Variants in RESF1 observed in about 807,000 individuals in gnomAD.
The protein encoded by RESF1 is gonad expressed transcript.
RESF1 carries 65 observed loss-of-function variants against 134.7 expected under a neutral mutation model. The ratio of observed to expected loss-of-function variants is 0.48; its 90% CI spans 0.40 to 0.59. RESF1 has a LOEUF of 0.59. Ranked by LOEUF, RESF1 falls within the 20% of genes least tolerant of loss-of-function variation. The pLI, the probability that RESF1 is intolerant of heterozygous loss-of-function variation, is 0.00. For missense variants in RESF1, 2,274 were observed against 2,002.7 expected (o/e 1.14, Z -2.59); for synonymous variants, 762 against 702.2 (o/e 1.09, Z -1.35).
At chr12:31,978,988 T>G (rs2120832431) in intron 3 of RESF1, among the ~76,000 whole-genome samples, 1 of 150,614 alleles carries the variant, frequency 6.6e-6, no homozygotes, top group East Asian at 2.0e-4. Flanking sequence ...TGGCGCCATC[T>G]GGGCTCACTG....
At chr12:31,960,522 A>T (rs1193631051) in intron 1 of RESF1, among the ~76,000 whole-genome samples, 2 of 152,164 alleles carry the variant, frequency 1.3e-5, no homozygotes, top group African/African-American at 4.8e-5. Context: ...TGCAGAGATA[A>T]AGTATTATTG....
intron 3 of RESF1, among the ~76,000 whole-genome samples, chr12:31,978,647 G>C (rs1939693688): frequency 6.6e-6 from 1 of 151,230 alleles, no homozygotes; most frequent in African/African-American, 2.4e-5. Flanking sequence ...CTGGGTTCAA[G>C]TGATTCTCCT....
intron 3 of RESF1, among the ~76,000 whole-genome samples, chr12:31,978,344 T>G (rs1349062441): frequency 6.6e-6 from 1 of 152,188 alleles, no homozygotes; most frequent in African/African-American, 2.4e-5. Context: ...GTATAACATC[T>G]GATACTCAGT....
At chr12:31,989,267 G>A (rs1387894789) in intron 5 of RESF1, among the ~76,000 whole-genome samples, 1 of 151,248 alleles carries the variant, frequency 6.6e-6, no homozygotes, top group Non-Finnish European at 1.5e-5. Flanking sequence ...GTGGTGGCGG[G>A]CACCTGTAGT....
Position 31,985,835 on chromosome 12 carries a change from CAG to C in RESF1, c.4882_4883del (p.Glu1628LysfsTer8), listed in dbSNP as rs1939959997. 9 of 1,564,750 alleles carry C rather than the reference CAG, an allele frequency of 5.8e-6. No homozygotes were observed. The highest frequency in any genetic ancestry group is 7.7e-6 in the Non-Finnish European group (9 of 1,163,712). ...ACCTTTTTACCGGTGAAAGGTAACA[CAG>C]AAAAATCAAACATGCTGGAGTTTAA... On this transcript the variant is annotated frameshift_variant, in exon 4 of 6. Transcript: ENST00000312561. LOFTEE classifies it high-confidence loss of function.
intron 2 of RESF1, among the ~76,000 whole-genome samples, chr12:31,967,611 C>T (rs1208681298): frequency 2.0e-5 from 3 of 148,018 alleles, no homozygotes; most frequent in East Asian, 4.1e-4. Flanking sequence ...CAGCCCTGCA[C>T]GCCCGCCCAC....
chr12:31,987,115 G>T, intron 4 of RESF1, 124 bp from the exon 5 acceptor site: 1 of 599,914 alleles, frequency 1.7e-6, no homozygotes, highest in Non-Finnish European at 3.0e-6. Flanking sequence ...TTAGAGTTGT[G>T]TTACATGTGG....
At position 31,984,934 on chromosome 12, in the gene RESF1, G is replaced by T. The variant is rs372500491; in HGVS notation, c.3979G>T (p.Val1327Leu). The T allele has an allele frequency of 6.2e-7, 1 of 1,613,212 alleles. No homozygotes were observed. The highest frequency in any genetic ancestry group is 1.3e-5 in the African/African-American group (1 of 74,876). ...ASQETRQKKH[V>L]TQNSRPLKTK... is the part of the protein sequence containing the mutation. ...TCAGGAAACCCGACAGAAGAAACAT[G>T]TAACACAGAACTCACGTCCACTAAA... is the stretch of plus-strand genomic sequence containing the variant. The change falls in exon 4 of 6, where the codon GTA becomes TTA. Residue 1327 changes from valine (V) to leucine (L), a missense_variant. Transcript: ENST00000312561.
Position 31,985,913 on chromosome 12 carries a change from A to G in RESF1, c.4958A>G (p.Lys1653Arg). 2.6e-6 allele frequency: 4 copies of G among 1,515,024 alleles called. No homozygotes were observed. Among genetic ancestry groups the G allele is most frequent in the East Asian group, 2.3e-5 (1 of 43,086 alleles). The allele number at this position is 1,515,024 out of a possible 1,614,324, so 93.8% of individuals were successfully genotyped here. A position where few individuals can be genotyped will look rare whatever the true frequency, so the allele number is the denominator to read the frequency against. ...LKNTNSVEERKDVKPHPRKEQ... is the reference protein window; with the variant it reads ...LKNTNSVEERRDVKPHPRKEQ... Reference sequence around the variant, plus strand: ...AATACAAACTCTGTGGAAGAACGGAAGGATGTAAAGCCTCATCCTAGGAAG... The same window carrying G: ...AATACAAACTCTGTGGAAGAACGGAGGGATGTAAAGCCTCATCCTAGGAAG... Residue 1653 changes from lysine (K) to arginine (R), a missense_variant, in exon 4 of 6, where the codon AAG becomes AGG. Coordinates refer to ENST00000312561, the MANE Select transcript of RESF1 (RefSeq NM_018169.4).
At chr12:31,989,701 A>AATT (rs1940056321) in intron 5 of RESF1, among the ~76,000 whole-genome samples, 1 of 152,120 alleles carries the variant, frequency 6.6e-6, no homozygotes, top group South Asian at 2.1e-4. Flanking sequence ...AAAATATAAA[A>AATT]ATTAGTCAGG....
At position 31,984,957 on chromosome 12, in the gene RESF1, A is replaced by G. The variant is rs1411759570; in HGVS notation, c.4002A>G (p.Leu1334=). The part of the protein sequence containing the change: ...KKHVTQNSRP[L]KTKTAFLPNK... ...ATGTAACACAGAACTCACGTCCACT[A>G]AAAACAAAAACAGCTTTTTTGCCAA... The change falls in exon 4 of 6, where the codon CTA becomes CTG. Residue 1334 remains leucine (L), a synonymous_variant. Transcript: ENST00000312561. 1 of 1,613,310 alleles carries G rather than the reference A, an allele frequency of 6.2e-7. No homozygotes were observed. The highest frequency in any genetic ancestry group is 2.2e-5 in the East Asian group (1 of 44,862).
chr12:31,964,637 T>A (rs1939358116), intron 2 of RESF1, among the ~76,000 whole-genome samples: 1 of 152,176 alleles, frequency 6.6e-6, no homozygotes, highest in South Asian at 2.1e-4. Flanking sequence ...CATAGACACT[T>A]AACTTTTATA....
At chr12:31,976,474 A>G in intron 3 of RESF1, among the ~76,000 whole-genome samples, 1 of 152,198 alleles carries the variant, frequency 6.6e-6, no homozygotes, top group Non-Finnish European at 1.5e-5. Context: ...TCACAAGGTC[A>G]GGAGTTCGAG....
rs1939797175 is a variant in RESF1, at chr12:31,981,738, C to A, written c.783C>A (p.Thr261=). The A allele has an allele frequency of 6.2e-7, 1 of 1,613,692 alleles. No homozygotes were observed. Among genetic ancestry groups the A allele is most frequent in the Non-Finnish European group, 8.5e-7 (1 of 1,179,992 alleles). The part of the protein sequence containing the change: ...NSVLTLPSRQ[T]SAVPSQQYAT... ...TATTAACTTTACCATCAAGGCAGAC[C>A]TCAGCTGTACCATCACAGCAGTATG... The change falls in exon 4 of 6, where the codon ACC becomes ACA. Residue 261 remains threonine (T), a synonymous_variant. Transcript: ENST00000312561.
chr12:31,979,661 T>C (rs557837376), intron 3 of RESF1, among the ~76,000 whole-genome samples: 1 of 151,932 alleles, frequency 6.6e-6, no homozygotes, highest in Non-Finnish European at 1.5e-5. Context: ...CACTGCCTTC[T>C]GTTTTCTGAG....
intron 2 of RESF1, among the ~76,000 whole-genome samples, chr12:31,964,164 C>T (rs1294499227): frequency 6.6e-6 from 1 of 151,438 alleles, no homozygotes. Flanking sequence ...TTTGGGGGTA[C>T]GTGTGTAGGT....
At chr12:31,979,663 T>C (rs1393021060) in intron 3 of RESF1, among the ~76,000 whole-genome samples, 1 of 151,688 alleles carries the variant, frequency 6.6e-6, no homozygotes, top group Non-Finnish European at 1.5e-5. Flanking sequence ...CTGCCTTCTG[T>C]TTTCTGAGTA....
At chr12:31,974,583 C>T (rs773270319) in intron 3 of RESF1, among the ~76,000 whole-genome samples, 9 of 151,956 alleles carry the variant, frequency 5.9e-5, no homozygotes, top group East Asian at 3.9e-4. Flanking sequence ...GGATACTAGT[C>T]GGATTAGAGC....
chr12:31,985,866 A>C lies in RESF1; in HGVS notation c.4911A>C (p.Leu1637Phe). The change falls in exon 4 of 6, where the codon TTA becomes TTC. Residue 1637 changes from leucine (L) to phenylalanine (F), a missense_variant. Leu to Phe is a conservative substitution (Grantham distance 22). Transcript: ENST00000312561. ...TEKSNMLEFK[L>F]CPDILLKNTN... ...AATCAAACATGCTGGAGTTTAAATT[A>C]TGTCCAGATATCTTACTAAAGAATA... The C allele has an allele frequency of 6.4e-7, 1 of 1,553,364 alleles. No homozygotes were observed. Among genetic ancestry groups the C allele is most frequent in the Non-Finnish European group, 8.6e-7 (1 of 1,158,910 alleles).
Sources: allele counts gnomAD v4.1 joint callset (sites outside exome capture counted in the v4.1 genomes callset), GRCh38; gene constraint gnomAD v4.1.1; transcripts MANE v1.5; gene names NCBI Gene and HGNC (gene_info 2026-07-23, HGNC 2026-07-21).